The following SAMD5 variants were observed in gnomAD, a reference collection of about 807,000 sequenced individuals.
SAMD5 encodes the protein sterile alpha motif domain-containing protein 5.
A neutral mutation model predicts 11.3 loss-of-function variants in SAMD5; 13 were observed. The observed-to-expected ratio is 1.15, with a 90% CI of 0.75 to 1.83. The LOEUF (loss-of-function observed/expected upper bound fraction) is 1.83, where lower values mean the gene tolerates loss of function less well. Among genes scored for constraint, SAMD5 ranks in the 40% most tolerant of loss-of-function variants. SAMD5 has a pLI of 0.00. For synonymous variants in SAMD5, 129 were observed against 111.3 expected, an observed-to-expected ratio of 1.16 and a Z score of -1.00; for missense variants, 255 against 239.1, an observed-to-expected ratio of 1.07 and a Z score of -0.44.
At chr6:147,763,462 C>T in the SAMD5 span, among the ~76,000 whole-genome samples, 1 of 147,818 alleles carries the variant, frequency 6.8e-6, no homozygotes, top group Non-Finnish European at 1.5e-5. Context: ...GCGCCTGGCC[C>T]ATCATGGATT....
chr6:147,909,896 A>T, the SAMD5 span, among the ~76,000 whole-genome samples: 1 of 151,980 alleles, frequency 6.6e-6, no homozygotes, highest in Admixed American at 6.6e-5. Context: ...GGTTCATGTT[A>T]CACCCCAGGA....
chr6:147,649,403 CATGAA>C (rs1171751419), intron 1 of SAMD5, among the ~76,000 whole-genome samples: 1 of 152,136 alleles, frequency 6.6e-6, no homozygotes, highest in African/African-American at 2.4e-5. Context: ...AGAAAATTCA[CATGAA>C]ATGAATTATA....
At chr6:147,589,146 A>G (rs1185993473) in intron 1 of SAMD5, among the ~76,000 whole-genome samples, 1 of 151,962 alleles carries the variant, frequency 6.6e-6, no homozygotes, top group Non-Finnish European at 1.5e-5. Context: ...TCTTGTAGAG[A>G]CAGGATCTCA....
the SAMD5 span, among the ~76,000 whole-genome samples, chr6:147,764,463 A>G: frequency 6.6e-6 from 1 of 152,202 alleles, no homozygotes; most frequent in African/African-American, 2.4e-5. Flanking sequence ...AACAGATGTT[A>G]TTTACTGACA....
chr6:147,845,579 G>A, the SAMD5 span, among the ~76,000 whole-genome samples: 2 of 151,924 alleles, frequency 1.3e-5, no homozygotes. Context: ...AATCCATGAG[G>A]AACAATTTCA....
the SAMD5 span, among the ~76,000 whole-genome samples, chr6:147,878,963 C>T: frequency 9.2e-5 from 14 of 151,990 alleles, no homozygotes; most frequent in Non-Finnish European, 1.8e-4. Flanking sequence ...TATTATCACA[C>T]AGTATTGATG....
At chr6:147,888,109 T>G in the SAMD5 span, among the ~76,000 whole-genome samples, 1 of 152,198 alleles carries the variant, frequency 6.6e-6, no homozygotes, top group Non-Finnish European at 1.5e-5. Context: ...AGTTGTCTTT[T>G]TATTCTCTTA....
At chr6:147,736,283 G>A (rs1447963558) in intron 1 of SAMD5, among the ~76,000 whole-genome samples, 1 of 152,168 alleles carries the variant, frequency 6.6e-6, no homozygotes, top group Non-Finnish European at 1.5e-5. Flanking sequence ...TATGTGTTAT[G>A]TGTGAAGTGT....
At chr6:147,680,231 T>C (rs1303332855) in intron 1 of SAMD5, among the ~76,000 whole-genome samples, 1 of 151,992 alleles carries the variant, frequency 6.6e-6, no homozygotes, top group Admixed American at 6.6e-5. Flanking sequence ...CTTGTAGATA[T>C]AAATGTGCAG....
At chr6:147,895,835 G>T in the SAMD5 span, among the ~76,000 whole-genome samples, 1 of 152,172 alleles carries the variant, frequency 6.6e-6, no homozygotes. Flanking sequence ...CCTGTAGACA[G>T]AGACACTGTA....
At chr6:147,628,421 C>T (rs57449708) in intron 1 of SAMD5, among the ~76,000 whole-genome samples, 5,961 of 152,082 alleles carry the variant, frequency 0.039, 213 homozygotes, top group African/African-American at 0.093. Flanking sequence ...GACTCTTAAA[C>T]GTATTTTGAG....
chr6:147,789,658 C>T, the SAMD5 span, among the ~76,000 whole-genome samples: 305 of 152,120 alleles, frequency 2.0e-3, 2 homozygotes, highest in Middle Eastern at 6.8e-3. Flanking sequence ...TATCAGATTT[C>T]GTTGATTTTT....
chr6:147,734,051 TATAAG>T (rs139520805), intron 1 of SAMD5, among the ~76,000 whole-genome samples: 2,219 of 152,224 alleles, frequency 0.015, 35 homozygotes, highest in African/African-American at 0.048. Flanking sequence ...TATTTTTCCC[TATAAG>T]ATAAGTTTTT....
chr6:147,713,572 T>C (rs757278578), intron 1 of SAMD5, among the ~76,000 whole-genome samples: 1 of 152,144 alleles, frequency 6.6e-6, no homozygotes, highest in Non-Finnish European at 1.5e-5. Context: ...TGAAATCTCA[T>C]GCATAAGCTG....
At chr6:147,927,018 T>A in the SAMD5 span, among the ~76,000 whole-genome samples, 1 of 152,216 alleles carries the variant, frequency 6.6e-6, no homozygotes, top group Admixed American at 6.5e-5. Flanking sequence ...TGTTCCATGG[T>A]CTATGTGTCT....
chr6:147,643,147 G>A (rs1045054220), intron 1 of SAMD5, among the ~76,000 whole-genome samples: 1 of 152,120 alleles, frequency 6.6e-6, no homozygotes, highest in African/African-American at 2.4e-5. Flanking sequence ...ACGTTGAAGG[G>A]CATGTGAAAT....
At chr6:147,586,491 T>C (rs1461471413) in intron 1 of SAMD5, among the ~76,000 whole-genome samples, 10 of 152,124 alleles carry the variant, frequency 6.6e-5, no homozygotes, top group Admixed American at 3.3e-4. Context: ...TCTATGGATA[T>C]TTACGGAGAA....
the SAMD5 span, among the ~76,000 whole-genome samples, chr6:147,877,940 T>TTTTTCTTTTTG: frequency 2.7e-4 from 27 of 99,250 alleles, 1 homozygote; most frequent in African/African-American, 8.8e-4. Flanking sequence ...GATAGATAGA[T>TTTTTCTTTTTG]AGATAGACTC....
intron 1 of SAMD5, among the ~76,000 whole-genome samples, chr6:147,523,908 A>G (rs1160565208): frequency 6.6e-6 from 1 of 152,174 alleles, no homozygotes; most frequent in Non-Finnish European, 1.5e-5. Flanking sequence ...TTAGGCTTGT[A>G]CAGTAGGAAA....
Sources: allele counts gnomAD v4.1 joint callset (sites outside exome capture counted in the v4.1 genomes callset), GRCh38; gene constraint gnomAD v4.1.1; transcripts MANE v1.5; gene names NCBI Gene and HGNC (gene_info 2026-07-23, HGNC 2026-07-21).